Variants in AUH observed in about 807,000 individuals in gnomAD.
AUH encodes the protein AU RNA binding methylglutaconyl-CoA hydratase.
A neutral mutation model predicts 42.3 loss-of-function variants in AUH; 29 were observed. The ratio of observed to expected loss-of-function variants is 0.69; its 90% CI spans 0.51 to 0.93. The LOEUF (loss-of-function observed/expected upper bound fraction) is 0.93, where lower values mean the gene tolerates loss of function less well. Among genes scored for constraint, AUH ranks in the 40% least tolerant of loss-of-function variants. AUH has a pLI of 0.00. For synonymous variants in AUH, 174 were observed against 166.4 expected (o/e 1.05, Z -0.35); for missense variants, 452 against 438.1 (o/e 1.03, Z -0.28).
chr9:91,306,000 G>A (rs77330287), intron 4 of AUH, among the ~76,000 whole-genome samples: 3,810 of 152,138 alleles, frequency 0.025, 76 homozygotes, highest in East Asian at 0.066. Flanking sequence ...GGCTCTGTGC[G>A]CCACTAATTC....
chr9:91,249,292 CAAAAAAAAAAA>C lies in AUH; in HGVS notation c.656-28311_656-28301del, dbSNP rs59102669. Among the ~76,000 whole-genome samples the C allele has an allele frequency of 8.2e-3, 267 of 32,540 alleles. 3 individuals are homozygous for C. The highest frequency in any genetic ancestry group is 0.024 in the African/African-American group (239 of 9,858). The allele number at this position is 32,540 out of a possible 152,430, so 21.3% of individuals were successfully genotyped here. On this transcript the variant is annotated intron_variant, in intron 6 of 9. Transcript: ENST00000375731. Reference sequence around the variant, plus strand: ...TGCCTGGGCGACAGAGAACCTGTCTCAAAAAAAAAAAAAAAAAAAAAAAAAAAAAAAGAACA... The same window carrying C: ...TGCCTGGGCGACAGAGAACCTGTCTCAAAAAAAAAAAAAAAAAAAAGAACA...
chr9:91,330,206 A>C (rs2131892861), intron 3 of AUH, among the ~76,000 whole-genome samples: 1 of 149,470 alleles, frequency 6.7e-6, no homozygotes, highest in East Asian at 1.9e-4. Context: ...AAATCTCGAA[A>C]AGATATCACT....
At chr9:91,309,631 A>C (rs1242842830) in intron 4 of AUH, among the ~76,000 whole-genome samples, 3 of 152,190 alleles carry the variant, frequency 2.0e-5, no homozygotes, top group Non-Finnish European at 4.4e-5. Context: ...GAACATAAAG[A>C]TGGAAATAAC....
At chr9:91,313,661 C>A (rs576951164) in intron 4 of AUH, among the ~76,000 whole-genome samples, 2 of 145,206 alleles carry the variant, frequency 1.4e-5, no homozygotes, top group Non-Finnish European at 1.5e-5. Flanking sequence ...GCCGAGATTG[C>A]GCCACTGCAG....
intron 1 of AUH, among the ~76,000 whole-genome samples, chr9:91,359,467 T>C (rs1012672423): frequency 6.6e-6 from 1 of 152,132 alleles, no homozygotes; most frequent in Non-Finnish European, 1.5e-5. Flanking sequence ...ATACATTTTT[T>C]CTTTTTTTTT....
intron 1 of AUH, among the ~76,000 whole-genome samples, chr9:91,357,079 T>C (rs1045275009): frequency 7.2e-5 from 11 of 152,252 alleles, no homozygotes; most frequent in African/African-American, 2.2e-4. Context: ...CTCACAAGAG[T>C]AAATTTGCAA....
At chr9:91,346,893 T>C (rs534994637) in intron 3 of AUH, among the ~76,000 whole-genome samples, 2 of 151,882 alleles carry the variant, frequency 1.3e-5, no homozygotes, top group Non-Finnish European at 2.9e-5. Context: ...ATTTACTATA[T>C]GCAACTCAGG....
Position 91,361,800 on chromosome 9 carries a change from G to A in AUH, c.90C>T (p.Leu30=), listed in dbSNP as rs760525903. The change falls in exon 1 of 10, where the codon CTC becomes CTT. Residue 30 remains leucine (L), a synonymous_variant. Coordinates refer to ENST00000375731, the MANE Select transcript of AUH (RefSeq NM_001698.3). ...ARLVAACSAW[L]CPGLRLPGSL... ...AGCCGGGCAGCCTCAACCCCGGGCA[G>A]AGCCACGCACTGCAAGCGGCCACCA... is the stretch of plus-strand genomic sequence containing the variant. 12 of 1,535,592 alleles carry A rather than the reference G, an allele frequency of 7.8e-6. No homozygotes were observed. Among genetic ancestry groups the A allele is most frequent in the South Asian group, 4.8e-5 (4 of 82,696 alleles).
At chr9:91,224,244 C>T (rs1162659982) in intron 6 of AUH, among the ~76,000 whole-genome samples, 1 of 152,156 alleles carries the variant, frequency 6.6e-6, no homozygotes, top group Non-Finnish European at 1.5e-5. Context: ...TATTGGCCAT[C>T]CATATATTGT....
At chr9:91,297,098 A>G (rs1587802400) in intron 5 of AUH, among the ~76,000 whole-genome samples, 1 of 152,226 alleles carries the variant, frequency 6.6e-6, no homozygotes, top group East Asian at 1.9e-4. Context: ...AGTGTCCACA[A>G]CGATGAATAT....
At chr9:91,334,557 T>C (rs1424135730) in intron 3 of AUH, among the ~76,000 whole-genome samples, 6 of 152,240 alleles carry the variant, frequency 3.9e-5, no homozygotes, top group Non-Finnish European at 7.3e-5. Context: ...TTCCTGGGTC[T>C]CCAGCTTGCA....
intron 4 of AUH, among the ~76,000 whole-genome samples, chr9:91,299,373 AG>A (rs1270357827): frequency 2.0e-5 from 3 of 152,262 alleles, no homozygotes; most frequent in African/African-American, 7.2e-5. Flanking sequence ...TCATAAATAA[AG>A]GAATTCATCA....
intron 7 of AUH, chr9:91,218,460 T>C (rs1314311231): frequency 1.1e-5 from 3 of 271,966 alleles, no homozygotes; most frequent in East Asian, 1.8e-4. Flanking sequence ...GTCAAACTCC[T>C]AGATGCACAC....
chr9:91,242,521 G>A (rs1019973251), intron 6 of AUH, among the ~76,000 whole-genome samples: 1 of 152,144 alleles, frequency 6.6e-6, no homozygotes, highest in Non-Finnish European at 1.5e-5. Flanking sequence ...GAATACTATG[G>A]AAAACAATCC....
intron 6 of AUH, among the ~76,000 whole-genome samples, chr9:91,276,915 T>C (rs1348579452): frequency 6.6e-6 from 1 of 152,204 alleles, no homozygotes; most frequent in African/African-American, 2.4e-5. Flanking sequence ...AGAAATGTAT[T>C]ATACAACACC....
At chr9:91,238,884 A>G (rs1828339518) in intron 6 of AUH, among the ~76,000 whole-genome samples, 1 of 152,184 alleles carries the variant, frequency 6.6e-6, no homozygotes, top group Non-Finnish European at 1.5e-5. Context: ...AGAACCTTCA[A>G]TGCCATGGGG....
At chr9:91,247,845 A>G (rs1355003571) in intron 6 of AUH, among the ~76,000 whole-genome samples, 1 of 152,188 alleles carries the variant, frequency 6.6e-6, no homozygotes, top group African/African-American at 2.4e-5. Context: ...TATCTTGACC[A>G]TGTTTTAACT....
Position 91,361,865 on chromosome 9 carries a change from G to C in AUH, c.25C>G (p.Pro9Ala), listed in dbSNP as rs1461159226. The change falls in exon 1 of 10, where the codon CCT becomes GCT. Residue 9 changes from proline (P) to alanine (A), a missense_variant. Physicochemically the swap from Pro to Ala is conservative, Grantham distance 27. Transcript: ENST00000375731. MAAAVAAA[P>A]GALGSLHAGG... ...GCATGCAGGGATCCCAAGGCCCCAG[G>C]TGCCGCCGCCACCGCGGCCGCCATG... is the stretch of plus-strand genomic sequence containing the variant. 4.7e-6 allele frequency: 7 copies of C among 1,473,936 alleles called. No homozygotes were observed. The highest frequency in any genetic ancestry group is 6.3e-6 in the Non-Finnish European group (7 of 1,118,962). 91.3% of individuals were successfully genotyped at this position (1,473,936 alleles called of 1,614,324 possible).
intron 6 of AUH, among the ~76,000 whole-genome samples, chr9:91,239,267 A>G (rs1429027562): frequency 6.6e-6 from 1 of 152,138 alleles, no homozygotes; most frequent in Non-Finnish European, 1.5e-5. Flanking sequence ...AAGTATGTGG[A>G]TACCAAATTG....
Sources: gnomAD v4.1 joint callset for allele counts (sites outside exome capture counted in the v4.1 genomes callset) on GRCh38, gnomAD v4.1.1 for gene constraint, MANE v1.5 for transcripts, NCBI Gene and HGNC (gene_info 2026-07-23, HGNC 2026-07-21) for gene names.